The following SCRIB variants were observed in gnomAD, a reference collection of about 807,000 sequenced individuals.
The protein encoded by SCRIB is protein scribble homolog.
SCRIB carries 72 observed loss-of-function variants against 170.0 expected under a neutral mutation model. The ratio of observed to expected loss-of-function variants is 0.42; its 90% CI spans 0.35 to 0.52. The LOEUF (loss-of-function observed/expected upper bound fraction) is 0.52, where lower values mean the gene tolerates loss of function less well. Among genes scored for constraint, SCRIB ranks in the 20% least tolerant of loss-of-function variants. The pLI, the probability that SCRIB is intolerant of heterozygous loss-of-function variation, is 0.02. For synonymous variants in SCRIB, 1,298 were observed against 1,044.3 expected (o/e 1.24, Z -4.68); for missense variants, 2,475 against 2,338.5 (o/e 1.06, Z -1.20).
intron 13 of SCRIB, among the ~76,000 whole-genome samples, chr8:143,810,158 G>A (rs1815640052): frequency 6.6e-6 from 1 of 151,958 alleles, no homozygotes; most frequent in Non-Finnish European, 1.5e-5. Context: ...CCCCTTCCCA[G>A]GTGCCGATGA....
intron 9 of SCRIB, 88 bp downstream of exon 9, chr8:143,812,178 C>T: frequency 2.2e-6 from 2 of 889,428 alleles, no homozygotes; most frequent in Non-Finnish European, 3.8e-6. Flanking sequence ...CCACCAGCAC[C>T]CCCCAGCAGC....
chr8:143,811,592 C>G (rs1587544171), intron 9 of SCRIB, among the ~76,000 whole-genome samples: 1 of 152,304 alleles, frequency 6.6e-6, no homozygotes, highest in East Asian at 1.9e-4. Context: ...CCCACCAGGT[C>G]ATCCCTGACC....
At chr8:143,803,221 C>G (rs781980485) in intron 24 of SCRIB, among the ~76,000 whole-genome samples, 162 bp downstream of exon 24, 1 of 152,210 alleles carries the variant, frequency 6.6e-6, no homozygotes, top group South Asian at 2.1e-4. Context: ...CAGGGCCCTC[C>G]GCCCACAGCT....
intron 24 of SCRIB, among the ~76,000 whole-genome samples, chr8:143,798,615 G>A (rs925317692): frequency 1.3e-5 from 2 of 152,118 alleles, no homozygotes; most frequent in Admixed American, 1.3e-4. Flanking sequence ...TTGAAATTAA[G>A]GAATTAAGGA....
Position 143,792,610 on chromosome 8 carries a change from CG to C in SCRIB, c.4202del (p.Ala1401GlyfsTer106). 6.3e-7 allele frequency: 1 copy of C among 1,593,348 alleles called. No homozygotes were observed. Among genetic ancestry groups the C allele is most frequent in the Non-Finnish European group, 8.5e-7 (1 of 1,177,082 alleles). ...EEARKLQQKR[A>X]QMLREAAEAG... ...CCTCTGCCGCCTCCCGCAGCATCTG[CG>C]CTCTCTTCTGCTGTAGTTTTCTGGC... On this transcript the variant is annotated frameshift_variant, in exon 31 of 37. Coordinates refer to ENST00000356994, the MANE Select transcript of SCRIB (RefSeq NM_182706.5). LOFTEE classifies it high-confidence loss of function.
intron 6 of SCRIB, 73 bp downstream of exon 6, chr8:143,813,238 C>T: frequency 6.2e-7 from 1 of 1,600,862 alleles, no homozygotes. Context: ...GTCGGATCTG[C>T]TCGCTGTCCC....
In SCRIB at chr8:143,803,715, G is replaced by C; in HGVS notation, c.3346C>G (p.Arg1116Gly). 1 of 1,591,466 alleles carries C rather than the reference G, an allele frequency of 6.3e-7. No homozygotes were observed. Among genetic ancestry groups the C allele is most frequent in the Admixed American group, 1.7e-5 (1 of 58,170 alleles). Residue 1116 changes from arginine (R) to glycine (G), a missense_variant, in exon 23 of 37, where the codon CGC becomes GGC. Coordinates refer to ENST00000356994, the MANE Select transcript of SCRIB (RefSeq NM_182706.5). ...CCAGCGTGGCCCCTGGCACCCCCGC[G>C]GATGCTGATGCCCAGCCTCTCCCCA... ...APGERLGISI[R>G]GGARGHAGNP...
At chr8:143,793,801 C>T (rs1554633533) in intron 28 of SCRIB, 99 bp downstream of exon 28, 2 of 1,249,296 alleles carry the variant, frequency 1.6e-6, no homozygotes, top group Non-Finnish European at 2.3e-6. Context: ...CACGATGGCC[C>T]CTGACCCCCC....
rs1816061647 is a variant in SCRIB at position 143,815,631 on chromosome 8, CG to C, written c.-260del. On this transcript the variant is annotated 5_prime_UTR_variant, in exon 1 of 37. It introduces an in-frame stop codon into an upstream open reading frame of the 5' UTR. Transcript: ENST00000356994. ...GAAGCGCGGGGAGCGGCGGCGGCGG[CG>C]GCTCCGCATCCCGCTTGGTCCTGCT... 1 of 982,632 alleles carries C rather than the reference CG, an allele frequency of 1.0e-6. No homozygotes were observed. 60.9% of individuals were successfully genotyped at this position (982,632 alleles called of 1,614,324 possible).
Position 143,804,593 on chromosome 8 carries a change from G to A in SCRIB, c.2984C>T (p.Ala995Val), listed in dbSNP as rs369676168. Residue 995 changes from alanine (A) to valine (V), a missense_variant, in exon 21 of 37, where the codon GCG becomes GTG. Ala to Val is a moderately conservative substitution (Grantham distance 64). This residue lies in a region of SCRIB where 1,966 missense variants were observed against 1,742.9 expected (regional missense o/e 1.13). Coordinates refer to ENST00000356994, the MANE Select transcript of SCRIB (RefSeq NM_182706.5). ...CTCCACTGGGTATGGCCCTTCCAACGCGGCAGCCAGCAGGCTGGGGGCCAG... is the reference window on the plus strand; with the variant it reads ...CTCCACTGGGTATGGCCCTTCCAACACGGCAGCCAGCAGGCTGGGGGCCAG... ...PSLAPSLLAA[A>V]LEGPYPVEEI... The A allele has an allele frequency of 1.6e-5, 24 of 1,513,548 alleles. No individual in the cohort carries two copies. The highest frequency in any genetic ancestry group is 1.5e-4 in the African/African-American group (11 of 72,060). 93.8% of individuals were successfully genotyped at this position (1,513,548 alleles called of 1,614,324 possible). A position where few individuals can be genotyped will look rare whatever the true frequency, so the allele number is the denominator to read the frequency against.
intron 9 of SCRIB, among the ~76,000 whole-genome samples, chr8:143,811,890 G>A (rs935347415): frequency 1.3e-5 from 2 of 152,190 alleles, no homozygotes; most frequent in Non-Finnish European, 2.9e-5. Context: ...GTGGCCTGGT[G>A]CCTCAGCTTG....
rs1434386713 is a variant in SCRIB at position 143,801,952 on chromosome 8, CGCGGCACGCCGGCT to C, written c.3603+1417_3603+1430del. 2.0e-5 allele frequency among the ~76,000 whole-genome samples: 3 copies of C among 152,224 alleles called. No homozygotes were observed. The East Asian group carries it at 5.8e-4, about 29-fold the overall frequency. On this transcript the variant is annotated intron_variant, in intron 24 of 36. Coordinates refer to ENST00000356994, the MANE Select transcript of SCRIB (RefSeq NM_182706.5). ...AAGGACAACCTGTGGCCGACAGCAG[CGCGGCACGCCGGCT>C]GCAGACATGGCACTAGCCCTGCCTT...
rs1290398517 is a variant in SCRIB at position 143,815,474 on chromosome 8, C to T, written c.-102G>A. The T allele has an allele frequency of 1.9e-6, 2 of 1,047,186 alleles. No homozygotes were observed. The highest frequency in any genetic ancestry group is 1.7e-5 in the African/African-American group (1 of 58,142). 64.9% of individuals were successfully genotyped at this position (1,047,186 alleles called of 1,614,324 possible). A position where few individuals can be genotyped will look rare whatever the true frequency, so the allele number is the denominator to read the frequency against. On this transcript the variant is annotated 5_prime_UTR_variant, in exon 1 of 37. Transcript: ENST00000356994. The stretch of plus-strand genomic sequence containing the variant: ...GGGCGCCGCGCATGGGGAGGGGGCG[C>T]AGGCAGGGGGCGGGCCGCCCGAGAC...
At chr8:143,807,350 T>C (rs574043429) in intron 16 of SCRIB, among the ~76,000 whole-genome samples, 1 of 152,270 alleles carries the variant, frequency 6.6e-6, no homozygotes, top group South Asian at 2.1e-4. Context: ...TGATGGGAGC[T>C]GGACCAGCCT....
In SCRIB at chr8:143,792,849, C is replaced by A. The variant is rs782393810; in HGVS notation, c.4036G>T (p.Ala1346Ser). ...APAQPPTPGP[A>S]ASPEQLSFRE... ...AAGGACAGCTGCTCCGGGGAGGCTG[C>A]AGGCCCAGGCGTGGGGGGCTGGGGG... is the stretch of plus-strand genomic sequence containing the variant. Residue 1346 changes from alanine to serine, a missense_variant, in exon 30 of 37, where the codon GCA becomes TCA. Coordinates refer to ENST00000356994, the MANE Select transcript of SCRIB (RefSeq NM_182706.5). The A allele has an allele frequency of 1.3e-6, 2 of 1,526,468 alleles. No individual in the cohort carries two copies. The highest frequency in any genetic ancestry group is 1.4e-5 in the African/African-American group (1 of 72,622). The allele number at this position is 1,526,468 out of a possible 1,614,324, so 94.6% of individuals were successfully genotyped here.
Position 143,803,646 on chromosome 8 carries a change from C to T in SCRIB, c.3414+1G>A. 1.9e-6 allele frequency: 3 copies of T among 1,549,452 alleles called. No homozygotes were observed. Among genetic ancestry groups the T allele is most frequent in the Non-Finnish European group, 2.6e-6 (3 of 1,152,396 alleles). On this transcript the variant is annotated splice_donor_variant, in intron 23 of 36. Transcript: ENST00000356994. LOFTEE classifies it high-confidence loss of function. ...GGCGGGCTGGGGTGGGGGGGGCTCACCTTGGAGATGAAGATGCCCTCGTCT... is the reference window on the plus strand; with the variant it reads ...GGCGGGCTGGGGTGGGGGGGGCTCATCTTGGAGATGAAGATGCCCTCGTCT...
Position 143,812,926 on chromosome 8 carries a change from G to A in SCRIB, c.678C>T (p.Asp226=), listed in dbSNP as rs765553733. The A allele has an allele frequency of 1.9e-5, 31 of 1,612,534 alleles. No individual in the cohort carries two copies. The highest frequency in any genetic ancestry group is 1.7e-4 in the African/African-American group (13 of 74,934). ...LGNLRRLVCL[D]VSENRLEELP... ...GCTCCTCCAGCCGGTTTTCCGACAC[G>A]TCCAGGCACACCAGGCGCCGCAGGT... The change falls in exon 8 of 37, where the codon GAC becomes GAT. Residue 226 remains aspartate (D), a synonymous_variant. Transcript: ENST00000356994.
chr8:143,805,218 C>G lies in SCRIB; in HGVS notation c.2564G>C (p.Gly855Ala), dbSNP rs1554636202. The G allele has an allele frequency of 6.4e-7, 1 of 1,558,716 alleles. No individual in the cohort carries two copies. The change falls in exon 19 of 37, where the codon GGG becomes GCG. Residue 855 changes from glycine to alanine, a missense_variant. Transcript: ENST00000356994. ...RLPLLPPESP[G>A]PLRQRHVACL... is the part of the protein sequence containing the mutation. ...GGCCACGTGGCGCTGACGGAGGGGCCCGGGGCTCTCAGGCGGGAGCAGGGG... is the reference window on the plus strand; with the variant it reads ...GGCCACGTGGCGCTGACGGAGGGGCGCGGGGCTCTCAGGCGGGAGCAGGGG...
rs375061458 is a variant in SCRIB at position 143,812,913 on chromosome 8, G to T, written c.691C>A (p.Arg231=). 1 of 1,612,296 alleles carries T rather than the reference G, an allele frequency of 6.2e-7. No individual in the cohort carries two copies. Among genetic ancestry groups the T allele is most frequent in the Non-Finnish European group, 8.5e-7 (1 of 1,179,892 alleles). ...RLVCLDVSEN[R]LEELPAELGG... is the part of the protein sequence containing the mutation. ...AGCTCAGCAGGCAGCTCCTCCAGCC[G>T]GTTTTCCGACACGTCCAGGCACACC... The change falls in exon 8 of 37, where the codon CGG becomes AGG. Residue 231 remains arginine (R), a synonymous_variant. Transcript: ENST00000356994.
Sources: allele counts gnomAD v4.1 joint callset (sites outside exome capture counted in the v4.1 genomes callset), GRCh38; gene constraint gnomAD v4.1.1; regional missense constraint gnomAD v4.1.1; transcripts MANE v1.5; gene names NCBI Gene and HGNC (gene_info 2026-07-23, HGNC 2026-07-21).